Variants in IL12RB2 observed in about 807,000 individuals in gnomAD.
The protein encoded by IL12RB2 is interleukin-12 receptor subunit beta-2.
IL12RB2 carries 82 observed loss-of-function variants against 89.4 expected under a neutral mutation model. The ratio of observed to expected loss-of-function variants is 0.92; its 90% CI spans 0.77 to 1.10. IL12RB2 has a LOEUF of 1.10. Ranked by LOEUF, IL12RB2 falls within the 50% of genes least tolerant of loss-of-function variation. The pLI is 0.00. For missense variants in IL12RB2, 963 were observed against 1,031.9 expected (o/e 0.93, Z 0.92); for synonymous variants, 368 against 370.1 (o/e 0.99, Z 0.07).
chr1:67,361,813 A>C (rs530256819), intron 10 of IL12RB2, among the ~76,000 whole-genome samples: 1 of 152,236 alleles, frequency 6.6e-6, no homozygotes, highest in South Asian at 2.1e-4. Flanking sequence ...CTTAAAGAAC[A>C]CCAAACAGGG....
At chr1:67,343,478 A>C (rs1317324849) in intron 9 of IL12RB2, among the ~76,000 whole-genome samples, 2 of 152,206 alleles carry the variant, frequency 1.3e-5, no homozygotes, top group Non-Finnish European at 2.9e-5. Context: ...GTATTGTTAA[A>C]ACCACAAATG....
In IL12RB2 at chr1:67,390,095, T is replaced by G. The variant is rs763020380; in HGVS notation, c.2013T>G (p.Asn671Lys). Residue 671 changes from asparagine to lysine, a missense_variant, in exon 16 of 17, where the codon AAT (asparagine) becomes AAG (lysine). Physicochemically the swap from Asn to Lys is moderately conservative, Grantham distance 94 (BLOSUM62 0). Coordinates refer to ENST00000674203, the MANE Select transcript of IL12RB2 (RefSeq NM_001374259.2). ...GCAGAGAAATTCCAGATCCAGCAAA[T>G]AGCACTTGCGCTAAGAAATATCCCA... is the stretch of plus-strand genomic sequence containing the variant. ...WCSREIPDPA[N>K]STCAKKYPIA... 2.3e-5 allele frequency: 32 copies of G among 1,362,230 alleles called. No individual in the cohort carries two copies. Among genetic ancestry groups the G allele is most frequent in the Non-Finnish European group, 3.4e-5 (32 of 949,878 alleles). 84.4% of individuals were successfully genotyped at this position (1,362,230 alleles called of 1,614,324 possible).
At chr1:67,328,570 C>T (rs1407191555) in intron 6 of IL12RB2, among the ~76,000 whole-genome samples, 186 bp downstream of exon 6, 1 of 152,126 alleles carries the variant, frequency 6.6e-6, no homozygotes, top group East Asian at 1.9e-4. Context: ...CTAAAGATGG[C>T]TATACAAAGT....
intron 5 of IL12RB2, 58 bp from the exon 6 acceptor site, chr1:67,328,142 G>GT (rs1657576905): frequency 1.7e-6 from 2 of 1,147,416 alleles, no homozygotes; most frequent in African/African-American, 3.0e-5. Flanking sequence ...CTTTTCTACT[G>GT]TAAGTAGAAA....
At chr1:67,344,127 G>A (rs1659960644) in intron 9 of IL12RB2, among the ~76,000 whole-genome samples, 2 of 152,082 alleles carry the variant, frequency 1.3e-5, no homozygotes, top group South Asian at 4.1e-4. Flanking sequence ...TGGTGGGCAA[G>A]CAGAGAGGGA....
chr1:67,374,831 G>A lies in IL12RB2; in HGVS notation c.1717+2048G>A, dbSNP rs1042830085. Among the ~76,000 whole-genome samples the A allele has an allele frequency of 1.5e-4, 17 of 116,910 alleles. No individual in the cohort carries two copies. In the Admixed American group the frequency reaches 1.6e-3, roughly 11 times the overall value. 76.7% of individuals were successfully genotyped at this position (116,910 alleles called of 152,430 possible). A position where few individuals can be genotyped will look rare whatever the true frequency, so the allele number is the denominator to read the frequency against. ...TAACAGTAAGCCATCTACTTTAATA[G>A]TCAAAGCCTCTTGAGTCTGTTGATT... On this transcript the variant is annotated intron_variant, in intron 13 of 16. Transcript: ENST00000674203.
At chr1:67,362,363 G>A (rs1236991428) in intron 10 of IL12RB2, among the ~76,000 whole-genome samples, 1 of 148,868 alleles carries the variant, frequency 6.7e-6, no homozygotes, top group Non-Finnish European at 1.5e-5. Context: ...TCAGGAGATC[G>A]AGACCATCCT....
chr1:67,328,429 T>A (rs1400336757), intron 6 of IL12RB2, 45 bp downstream of exon 6: 5 of 1,610,570 alleles, frequency 3.1e-6, no homozygotes, highest in Non-Finnish European at 4.2e-6. Context: ...TAATTATTTT[T>A]AAAATCACTC....
At chr1:67,344,743 T>A (rs1660027166) in intron 9 of IL12RB2, among the ~76,000 whole-genome samples, 1 of 152,208 alleles carries the variant, frequency 6.6e-6, no homozygotes, top group African/African-American at 2.4e-5. Flanking sequence ...TATGGGCACA[T>A]TGGTTAAGAC....
intron 13 of IL12RB2, among the ~76,000 whole-genome samples, chr1:67,378,019 G>A (rs1054961303): frequency 4.6e-5 from 7 of 151,966 alleles, no homozygotes; most frequent in South Asian, 2.1e-4. Context: ...CCAACTACTC[G>A]GGAGGCCACG....
chr1:67,329,808 C>T (rs1300175000), intron 7 of IL12RB2, 79 bp downstream of exon 7: 2 of 975,310 alleles, frequency 2.1e-6, no homozygotes, highest in Non-Finnish European at 3.3e-6. Flanking sequence ...TTTCATACAG[C>T]AAAAAATAGA....
intron 9 of IL12RB2, among the ~76,000 whole-genome samples, chr1:67,342,590 A>AGTGT (rs1659765911): frequency 6.6e-6 from 1 of 151,266 alleles, no homozygotes; most frequent in African/African-American, 2.4e-5. Context: ...TAGGTATGTG[A>AGTGT]GTGTGTGTGT....
At chr1:67,379,934 T>G in intron 13 of IL12RB2, 52 bp from the exon 14 acceptor site, 1 of 1,357,378 alleles carries the variant, frequency 7.4e-7, no homozygotes, top group South Asian at 1.2e-5. Context: ...GAAGCCTACA[T>G]TAAAAGCCAT....
At chr1:67,328,036 T>C (rs1657561245) in intron 5 of IL12RB2, among the ~76,000 whole-genome samples, 164 bp from the exon 6 acceptor site, 1 of 152,268 alleles carries the variant, frequency 6.6e-6, no homozygotes, top group Non-Finnish European at 1.5e-5. Flanking sequence ...TAGTCTTACA[T>C]GACCATATAG....
intron 10 of IL12RB2, among the ~76,000 whole-genome samples, chr1:67,365,866 T>C (rs1281024511): frequency 6.6e-6 from 1 of 152,080 alleles, no homozygotes; most frequent in Non-Finnish European, 1.5e-5. Context: ...TAAGGGGCCA[T>C]AGGATAGAAG....
chr1:67,345,596 T>C (rs1660128892), intron 9 of IL12RB2, among the ~76,000 whole-genome samples: 1 of 152,220 alleles, frequency 6.6e-6, no homozygotes, highest in Non-Finnish European at 1.5e-5. Flanking sequence ...GGGGCATTTA[T>C]ATAATTATAG....
chr1:67,338,637 GT>G lies in IL12RB2; in HGVS notation c.974del (p.Leu325Ter). 1 of 1,498,964 alleles carries G rather than the reference GT, an allele frequency of 6.7e-7. No homozygotes were observed. Among genetic ancestry groups the G allele is most frequent in the South Asian group, 1.1e-5 (1 of 88,890 alleles). The allele number at this position is 1,498,964 out of a possible 1,614,324, so 92.9% of individuals were successfully genotyped here. ...QTPEEEPTGM[L>X]DVWYMKRHID... The stretch of plus-strand genomic sequence containing the variant: ...CCTTTGAAACAGAGCCTACTGGGAT[GT>G]TAGATGTCTGGTACATGAAACGGCA... On this transcript the variant is annotated frameshift_variant, in exon 9 of 17. Transcript: ENST00000674203. LOFTEE classifies it high-confidence loss of function.
intron 2 of IL12RB2, among the ~76,000 whole-genome samples, chr1:67,319,752 C>T (rs1456080022): frequency 6.6e-6 from 1 of 152,070 alleles, no homozygotes; most frequent in African/African-American, 2.4e-5. Context: ...TGTTTATGTC[C>T]CCCTCAAATT....
intron 9 of IL12RB2, among the ~76,000 whole-genome samples, chr1:67,347,857 C>T (rs1660405530): frequency 6.6e-6 from 1 of 152,096 alleles, no homozygotes; most frequent in Non-Finnish European, 1.5e-5. Flanking sequence ...TACTGCGCAC[C>T]GCTCTCACAT....
Sources: allele counts gnomAD v4.1 joint callset (sites outside exome capture counted in the v4.1 genomes callset), GRCh38; gene constraint gnomAD v4.1.1; transcripts MANE v1.5; gene names NCBI Gene and HGNC (gene_info 2026-07-23, HGNC 2026-07-21).